The following ARHGEF38 variants were observed in gnomAD, a reference collection of about 807,000 sequenced individuals.
ARHGEF38 encodes the protein Rho guanine nucleotide exchange factor (GEF) 38.
ARHGEF38 carries 79 observed loss-of-function variants against 79.9 expected under a neutral mutation model. That is an observed-to-expected ratio of 0.99 (90% CI 0.82 to 1.19). The LOEUF (loss-of-function observed/expected upper bound fraction) is 1.19, where lower values mean the gene tolerates loss of function less well. ARHGEF38 is among the 50% of genes most tolerant of loss of function. The probability of loss-of-function intolerance (pLI) is 0.00; values close to 1 mark genes in which losing one functional copy is unlikely to be tolerated. For synonymous variants in ARHGEF38, 366 were observed against 328.3 expected, an observed-to-expected ratio of 1.11 and a Z score of -1.24; for missense variants, 962 against 907.2, an observed-to-expected ratio of 1.06 and a Z score of -0.78.
In ARHGEF38 at chr4:105,609,557, A is replaced by G. The variant is rs1287578252; in HGVS notation, c.385-3827A>G. Among the ~76,000 whole-genome samples, 4 of 152,104 alleles carry G rather than the reference A, an allele frequency of 2.6e-5. No individual in the cohort carries two copies. In the East Asian group the frequency reaches 7.7e-4, roughly 29 times the overall value. On this transcript the variant is annotated intron_variant, in intron 2 of 13. Coordinates refer to ENST00000420470, the MANE Select transcript of ARHGEF38 (RefSeq NM_001242729.2). ...TAAAGCAATCTATAGACTAAATGCA[A>G]TTCCTATTAAAATTTCAATGACGTG...
At chr4:105,618,657 T>C (rs1728612945) in intron 3 of ARHGEF38, among the ~76,000 whole-genome samples, 1 of 151,986 alleles carries the variant, frequency 6.6e-6, no homozygotes. Flanking sequence ...AAAATCAAAT[T>C]CACATTACAT....
At chr4:105,585,922 C>T (rs182565022) in intron 1 of ARHGEF38, among the ~76,000 whole-genome samples, 31 of 151,376 alleles carry the variant, frequency 2.0e-4, no homozygotes, top group Admixed American at 5.3e-4. Context: ...GTAGAGATGG[C>T]GTTTCTCCAT....
chr4:105,661,474 T>TTTTTTA (rs1491231014), intron 10 of ARHGEF38, among the ~76,000 whole-genome samples: 199 of 141,784 alleles, frequency 1.4e-3, no homozygotes, highest in African/African-American at 4.2e-3. Context: ...TCCACACCTC[T>TTTTTTA]TTATTATTAT....
At chr4:105,564,787 A>C (rs1578257697) in intron 1 of ARHGEF38, among the ~76,000 whole-genome samples, 1 of 152,184 alleles carries the variant, frequency 6.6e-6, no homozygotes, top group East Asian at 1.9e-4. Context: ...AAAAGAGTCA[A>C]ACTCTGTGAA....
intron 3 of ARHGEF38, among the ~76,000 whole-genome samples, chr4:105,628,891 G>A (rs1729065545): frequency 6.6e-6 from 1 of 152,134 alleles, no homozygotes; most frequent in South Asian, 2.1e-4. Flanking sequence ...AATTCTAGAG[G>A]TAGCAAAGCA....
Position 105,679,677 on chromosome 4 carries a change from C to T in ARHGEF38, c.*1740C>T, listed in dbSNP as rs1157351486. On this transcript the variant is annotated 3_prime_UTR_variant, in exon 14 of 14. Transcript: ENST00000420470. ...CCATGCTTTTAAATTTAACTAAATC[C>T]ATTGTAGAAGGAACACCTACACATT... 2.6e-5 allele frequency: 21 copies of T among 795,088 alleles called. No homozygotes were observed. The highest frequency in any genetic ancestry group is 4.6e-5 in the Non-Finnish European group (20 of 438,350). The allele number at this position is 795,088 out of a possible 1,614,324, so 49.3% of individuals were successfully genotyped here.
At chr4:105,607,148 T>A (rs538275435) in intron 2 of ARHGEF38, among the ~76,000 whole-genome samples, 2 of 152,226 alleles carry the variant, frequency 1.3e-5, no homozygotes, top group South Asian at 4.1e-4. Context: ...TAAACAGGCA[T>A]GTCGCAGGTG....
intron 1 of ARHGEF38, among the ~76,000 whole-genome samples, chr4:105,561,081 T>A (rs1209381020): frequency 6.6e-6 from 1 of 152,114 alleles, no homozygotes; most frequent in Non-Finnish European, 1.5e-5. Flanking sequence ...CTATTTTGTC[T>A]GTCTAAAAGT....
intron 7 of ARHGEF38, among the ~76,000 whole-genome samples, chr4:105,651,111 G>A (rs915373579): frequency 6.6e-6 from 1 of 152,136 alleles, no homozygotes; most frequent in African/African-American, 2.4e-5. Context: ...TTTTGAATAA[G>A]CTGTTATATT....
At chr4:105,651,719 A>G (rs1186220890) in intron 7 of ARHGEF38, among the ~76,000 whole-genome samples, 2 of 152,002 alleles carry the variant, frequency 1.3e-5, no homozygotes, top group Admixed American at 1.3e-4. Flanking sequence ...TAGTGCCATT[A>G]TCATAGCTCG....
intron 1 of ARHGEF38, among the ~76,000 whole-genome samples, chr4:105,557,832 C>T (rs1324365503): frequency 6.6e-6 from 1 of 152,022 alleles, no homozygotes; most frequent in Non-Finnish European, 1.5e-5. Context: ...TATAGCAGCC[C>T]AAACCAACCA....
chr4:105,554,838 G>A (rs1315281993), intron 1 of ARHGEF38, among the ~76,000 whole-genome samples: 1 of 151,996 alleles, frequency 6.6e-6, no homozygotes, highest in Non-Finnish European at 1.5e-5. Context: ...AATATTAATC[G>A]AAGTTTGTAT....
chr4:105,556,690 A>T (rs973088131), intron 1 of ARHGEF38, among the ~76,000 whole-genome samples: 12 of 152,248 alleles, frequency 7.9e-5, no homozygotes, highest in African/African-American at 2.9e-4. Context: ...TAACTGTTGC[A>T]TCTCAGCAGC....
At chr4:105,559,058 A>AG (rs1313951992) in intron 1 of ARHGEF38, among the ~76,000 whole-genome samples, 2 of 151,764 alleles carry the variant, frequency 1.3e-5, no homozygotes. Context: ...AAGAAAAAAA[A>AG]AAACCTCTGT....
chr4:105,595,849 G>T (rs1320411499), intron 2 of ARHGEF38, among the ~76,000 whole-genome samples: 1 of 152,102 alleles, frequency 6.6e-6, no homozygotes, highest in Non-Finnish European at 1.5e-5. Context: ...CAATACAGAT[G>T]CATTTTAAAA....
intron 1 of ARHGEF38, among the ~76,000 whole-genome samples, chr4:105,573,634 GT>G (rs1168520719): frequency 6.6e-6 from 1 of 152,004 alleles, no homozygotes; most frequent in Non-Finnish European, 1.5e-5. Flanking sequence ...TTTGTAGTAA[GT>G]TTTGAAATCA....
In ARHGEF38 at chr4:105,573,853, G is replaced by T. The variant is rs189608798; in HGVS notation, c.197-15395G>T. ...AACAATATCAAGTCTTTCCGTCCAT[G>T]AACATATCTTCTCATGTATTTATAT... On this transcript the variant is annotated intron_variant, in intron 1 of 13. Transcript: ENST00000420470. Among the ~76,000 whole-genome samples the T allele has an allele frequency of 2.7e-3, 416 of 152,004 alleles. 2 individuals carry two copies. The highest frequency in any genetic ancestry group is 0.014 in the Middle Eastern group (4 of 294).
chr4:105,591,675 A>G (rs545071087), intron 2 of ARHGEF38, among the ~76,000 whole-genome samples: 1 of 152,366 alleles, frequency 6.6e-6, no homozygotes, highest in Admixed American at 6.5e-5. Flanking sequence ...CTTTTCTTAC[A>G]CAGGAAGTCA....
At chr4:105,595,767 C>T (rs1050337022) in intron 2 of ARHGEF38, among the ~76,000 whole-genome samples, 1 of 152,088 alleles carries the variant, frequency 6.6e-6, no homozygotes, top group African/African-American at 2.4e-5. Context: ...GTACCTAATA[C>T]AATGTAAATG....
Sources: allele counts gnomAD v4.1 joint callset (sites outside exome capture counted in the v4.1 genomes callset), GRCh38; gene constraint gnomAD v4.1.1; transcripts MANE v1.5; gene names NCBI Gene and HGNC (gene_info 2026-07-23, HGNC 2026-07-21).